The following RACGAP1 variants were observed in gnomAD, a reference collection of about 807,000 sequenced individuals.
The protein encoded by RACGAP1 is Rac GTPase activating protein 1.
RACGAP1 carries 30 observed loss-of-function variants against 78.1 expected under a neutral mutation model. That is an observed-to-expected ratio of 0.38 (90% CI 0.29 to 0.52). The LOEUF is 0.52. RACGAP1 is among the 20% of genes least tolerant of loss of function. The pLI, the probability that RACGAP1 is intolerant of heterozygous loss-of-function variation, is 0.82. For synonymous variants in RACGAP1, 231 were observed against 264.8 expected, an observed-to-expected ratio of 0.87 and a Z score of 1.24; for missense variants, 587 against 777.1, an observed-to-expected ratio of 0.76 and a Z score of 2.91.
At chr12:50,015,669 G>A (rs1949621540) in intron 2 of RACGAP1, among the ~76,000 whole-genome samples, 1 of 151,984 alleles carries the variant, frequency 6.6e-6, no homozygotes, top group Non-Finnish European at 1.5e-5. Flanking sequence ...GGACGTGGTG[G>A]CGGGCGCCTG....
Position 49,993,086 on chromosome 12 carries a change from TAG to T in RACGAP1, c.1340-433_1340-432del, listed in dbSNP as rs369609175. ...AGTCAAAAAGCAAATACCTATCAGG[TAG>T]AGTGATACATAAATGAAGAAAACAA... On this transcript the variant is annotated intron_variant, in intron 12 of 16. Transcript: ENST00000312377. Among the ~76,000 whole-genome samples the T allele has an allele frequency of 4.3e-4, 65 of 152,210 alleles. No individual in the cohort carries two copies. In the East Asian group the frequency reaches 0.01, roughly 24 times the overall value.
chr12:50,015,773 G>A (rs1949632286), intron 2 of RACGAP1, among the ~76,000 whole-genome samples: 1 of 151,578 alleles, frequency 6.6e-6, no homozygotes. Context: ...CTGCACTCCA[G>A]CCTGGGTGAC....
intron 1 of RACGAP1, 72 bp downstream of exon 1, chr12:50,025,326 A>T: frequency 2.0e-6 from 2 of 985,596 alleles, no homozygotes; most frequent in Non-Finnish European, 2.4e-6. Flanking sequence ...GCCACGGCTC[A>T]CCACACGAAC....
intron 2 of RACGAP1, among the ~76,000 whole-genome samples, chr12:50,013,845 T>C (rs1448166757): frequency 6.6e-6 from 1 of 152,228 alleles, no homozygotes; most frequent in African/African-American, 2.4e-5. Flanking sequence ...GAAGCCCTGA[T>C]AGGTTCTCAC....
rs752080762 is a variant in RACGAP1, at chr12:50,004,255, C to T, written c.475G>A (p.Asp159Asn). ...SGSILSDISF[D>N]KTDESLDWDS... ...ATTACCAGTGATTCATCAGTCTTGT[C>T]AAAGCTGATATCTGATAAAATGGAA... The change falls in exon 5 of 17, where the codon GAC becomes AAC. Residue 159 changes from aspartate (D) to asparagine (N), a missense_variant. Physicochemically the swap from Asp to Asn is conservative, Grantham distance 23. Transcript: ENST00000312377. 6.2e-7 allele frequency: 1 copy of T among 1,605,952 alleles called. No homozygotes were observed. The highest frequency in any genetic ancestry group is 8.5e-7 in the Non-Finnish European group (1 of 1,173,478).
At chr12:50,017,045 A>G in intron 1 of RACGAP1, 1 of 1,070,164 alleles carries the variant, frequency 9.3e-7, no homozygotes, top group Non-Finnish European at 1.1e-6. Context: ...GTGGTTCTTC[A>G]AGTCAAGCCT....
intron 12 of RACGAP1, 27 bp from the exon 13 acceptor site, chr12:49,992,682 G>A (rs764721491): frequency 2.5e-6 from 4 of 1,570,928 alleles, no homozygotes; most frequent in Admixed American, 1.8e-5. Flanking sequence ...AGCACCAAGA[G>A]GCCTAGACTT....
chr12:49,990,184 G>T lies in RACGAP1; in HGVS notation c.*84C>A. 1 of 1,115,900 alleles carries T rather than the reference G, an allele frequency of 9.0e-7. No individual in the cohort carries two copies. Among genetic ancestry groups the T allele is most frequent in the South Asian group, 1.4e-5 (1 of 70,340 alleles). The allele number at this position is 1,115,900 out of a possible 1,614,324, so 69.1% of individuals were successfully genotyped here. A position where few individuals can be genotyped will look rare whatever the true frequency, so the allele number is the denominator to read the frequency against. Reference sequence around the variant, plus strand: ...CCTGGAGAATGCTAAAAGTAGTAATGAGTACAGGAGGCTGCAGAGCAGAGT... The same window carrying T: ...CCTGGAGAATGCTAAAAGTAGTAATTAGTACAGGAGGCTGCAGAGCAGAGT... On this transcript the variant is annotated 3_prime_UTR_variant, in exon 17 of 17. Transcript: ENST00000312377.
At position 49,989,759 on chromosome 12, in the gene RACGAP1, G is replaced by A. The variant is rs1442260851; in HGVS notation, c.*509C>T. The A allele has an allele frequency of 6.5e-6, 1 of 153,960 alleles. No homozygotes were observed. Among genetic ancestry groups the A allele is most frequent in the Non-Finnish European group, 1.4e-5 (1 of 69,194 alleles). The allele number at this position is 153,960 out of a possible 1,614,324, so 9.5% of individuals were successfully genotyped here. On this transcript the variant is annotated 3_prime_UTR_variant, in exon 17 of 17. Coordinates refer to ENST00000312377, the MANE Select transcript of RACGAP1 (RefSeq NM_001319999.2). ...CATATTATAGCTCAGTTCATAATGG[G>A]GAATGAGAACTTCTGGTTCTTAGAA...
intron 1 of RACGAP1, chr12:50,017,014 G>C: frequency 1.8e-6 from 2 of 1,117,802 alleles, no homozygotes; most frequent in Non-Finnish European, 2.2e-6. Context: ...TCATTAGCAA[G>C]TGACTGACCA....
chr12:49,999,737 C>A lies in RACGAP1; in HGVS notation c.631-4G>T. On this transcript the variant is annotated splice_polypyrimidine_tract_variant and splice_region_variant and intron_variant, in intron 7 of 16. Transcript: ENST00000312377. ...TTGCAACTATGGATTCATTCCCCTG[C>A]AACAAAAGTAGTAATGAGGAAAGAC... 6.3e-7 allele frequency: 1 copy of A among 1,596,184 alleles called. No individual in the cohort carries two copies. The highest frequency in any genetic ancestry group is 8.6e-7 in the Non-Finnish European group (1 of 1,163,686).
intron 12 of RACGAP1, among the ~76,000 whole-genome samples, 154 bp downstream of exon 12, chr12:49,993,977 G>C (rs987287623): frequency 2.6e-5 from 4 of 152,170 alleles, no homozygotes; most frequent in Admixed American, 6.5e-5. Flanking sequence ...CCTGGGAGAC[G>C]GAGGTTGCAG....
chr12:49,996,668 A>AAAAAAAAAAAAAAT (rs1948302735), intron 10 of RACGAP1, among the ~76,000 whole-genome samples: 3 of 129,284 alleles, frequency 2.3e-5, no homozygotes, highest in East Asian at 2.1e-4. Flanking sequence ...AAAAAAAAAA[A>AAAAAAAAAAAAAAT]TGGACACAAG....
chr12:50,022,183 C>T (rs959441999), intron 1 of RACGAP1, among the ~76,000 whole-genome samples: 3 of 152,194 alleles, frequency 2.0e-5, no homozygotes, highest in African/African-American at 7.2e-5. Flanking sequence ...TCACTGAAGC[C>T]TTCCCTAACC....
chr12:49,999,834 A>C, intron 7 of RACGAP1, 101 bp from the exon 8 acceptor site: 1 of 857,236 alleles, frequency 1.2e-6, no homozygotes, highest in South Asian at 1.4e-5. Flanking sequence ...AGTCTTAGTC[A>C]AGACTTAAGA....
Position 49,989,405 on chromosome 12 carries a change from A to G in RACGAP1, c.*863T>C, listed in dbSNP as rs1947695761. On this transcript the variant is annotated 3_prime_UTR_variant, in exon 17 of 17. Transcript: ENST00000312377. ...TAGCTTTTCTTACCACAAAATATTG[A>G]CAATCTTCCCTTATAGCCTACTCTT... The G allele has an allele frequency of 1.3e-5, 2 of 152,180 alleles. No homozygotes were observed. Among genetic ancestry groups the G allele is most frequent in the African/African-American group, 4.8e-5 (2 of 41,446 alleles). 9.4% of individuals were successfully genotyped at this position (152,180 alleles called of 1,614,324 possible).
At chr12:49,996,696 T>G (rs991623696) in intron 10 of RACGAP1, among the ~76,000 whole-genome samples, 7 of 127,808 alleles carry the variant, frequency 5.5e-5, no homozygotes, top group Admixed American at 4.4e-4. Context: ...TCATGGAAGT[T>G]AAGTGATAAG....
intron 1 of RACGAP1, among the ~76,000 whole-genome samples, chr12:50,021,972 C>G (rs1950033362): frequency 1.3e-5 from 2 of 152,188 alleles, no homozygotes; most frequent in African/African-American, 4.8e-5. Flanking sequence ...ACCAAATGTT[C>G]TTTATAAGCA....
rs566933884 is a variant in RACGAP1, at chr12:49,993,422, C to CA, written c.1339+708dup. ...AGGATAGGCAAGGGTGACACGCATACAGTTACTCATCCATCAAACTACTTG... is the reference window on the plus strand; with the variant it reads ...AGGATAGGCAAGGGTGACACGCATACAAGTTACTCATCCATCAAACTACTTG... On this transcript the variant is annotated intron_variant, in intron 12 of 16. Transcript: ENST00000312377. 6.0e-3 allele frequency among the ~76,000 whole-genome samples: 909 copies of CA among 152,310 alleles called. 14 individuals carry two copies. The highest frequency in any genetic ancestry group is 0.021 in the African/African-American group (859 of 41,562).
Sources: allele counts gnomAD v4.1 joint callset (sites outside exome capture counted in the v4.1 genomes callset), GRCh38; gene constraint gnomAD v4.1.1; transcripts MANE v1.5; gene names NCBI Gene and HGNC (gene_info 2026-07-23, HGNC 2026-07-21).